COMP: variants seen among roughly 807,000 people sequenced by gnomAD.
COMP encodes the protein cartilage oligomeric matrix protein.
A neutral mutation model predicts 95.8 loss-of-function variants in COMP; 79 were observed. That is an observed-to-expected ratio of 0.82 (90% CI 0.69 to 0.99). The LOEUF (loss-of-function observed/expected upper bound fraction) is 0.99. COMP is among the 50% of genes least tolerant of loss of function. The pLI, the probability that COMP is intolerant of heterozygous loss-of-function variation, is 0.00. For missense variants in COMP, 906 were observed against 1,076.1 expected (o/e 0.84, Z 2.21); for synonymous variants, 438 against 433.9 (o/e 1.01, Z -0.12).
intron 14 of COMP, 23 bp downstream of exon 14, chr19:18,785,650 C>A (rs761134568): frequency 6.2e-7 from 1 of 1,613,538 alleles, no homozygotes. Context: ...TCCCATCACC[C>A]CCCACGTGGA....
intron 11 of COMP, 65 bp from the exon 12 acceptor site, chr19:18,786,356 C>T (rs1447061791): frequency 6.2e-7 from 1 of 1,610,372 alleles, no homozygotes; most frequent in Non-Finnish European, 8.5e-7. Context: ...TCCCACCCAA[C>T]CCAGCCGCAC....
intron 9 of COMP, among the ~76,000 whole-genome samples, 169 bp from the exon 10 acceptor site, chr19:18,787,819 A>C (rs994566569): frequency 6.6e-6 from 1 of 151,392 alleles, no homozygotes; most frequent in Non-Finnish European, 1.5e-5. Context: ...CCACTTCCCT[A>C]GGCCCCGCTC....
intron 1 of COMP, 42 bp from the exon 2 acceptor site, chr19:18,790,977 G>A (rs1455223705): frequency 6.5e-7 from 1 of 1,545,730 alleles, no homozygotes; most frequent in South Asian, 1.2e-5. Context: ...TGGGGCCGGG[G>A]AATCCCACCA....
Position 18,784,757 on chromosome 19 carries a change from C to T in COMP, c.1914+139G>A. On this transcript the variant is annotated intron_variant, in intron 16 of 18. Transcript: ENST00000222271. The surrounding 1 kb of genome is among the most constrained non-coding windows in gnomAD (Gnocchi z 4.9). Reference sequence around the variant, plus strand: ...GGAGGATTTGGGGACTGCGGGAGCCCAGAGGAGGGCTGGGACAGCTTTGAG... The same window carrying T: ...GGAGGATTTGGGGACTGCGGGAGCCTAGAGGAGGGCTGGGACAGCTTTGAG... 1.1e-6 allele frequency: 1 copy of T among 937,408 alleles called. No homozygotes were observed. The highest frequency in any genetic ancestry group is 1.7e-6 in the Non-Finnish European group (1 of 599,436). The allele number at this position is 937,408 out of a possible 1,614,324, so 58.1% of individuals were successfully genotyped here.
chr19:18,783,245 C>T, intron 17 of COMP, 52 bp from the exon 18 acceptor site: 1 of 1,593,346 alleles, frequency 6.3e-7, no homozygotes, highest in Non-Finnish European at 8.5e-7. Flanking sequence ...ACCCTTCCCT[C>T]TCAGAGCTTC....
intron 17 of COMP, 96 bp from the exon 18 acceptor site, chr19:18,783,289 T>G: frequency 6.6e-7 from 1 of 1,512,728 alleles, no homozygotes; most frequent in Non-Finnish European, 8.9e-7. Context: ...TACCCCTGAC[T>G]GGGCTGCACT....
Position 18,791,088 on chromosome 19 carries a change from C to G in COMP, c.79+103G>C, listed in dbSNP as rs945472570. 9.1e-5 allele frequency: 137 copies of G among 1,507,168 alleles called. 1 individual carries two copies. Among genetic ancestry groups the G allele is most frequent in the African/African-American group, 7.2e-4 (52 of 72,358 alleles). 93.4% of individuals were successfully genotyped at this position (1,507,168 alleles called of 1,614,324 possible). On this transcript the variant is annotated intron_variant, in intron 1 of 18. Transcript: ENST00000222271. ...CTTTCTGCGCCCGGCACGTCCCCTA[C>G]GAACAGTCCGTGAGCCCCAAACAGC...
In COMP at chr19:18,783,611, AT is replaced by A. The variant is rs34666033; in HGVS notation, c.2088-419del. On this transcript the variant is annotated intron_variant, in intron 17 of 18. Coordinates refer to ENST00000222271, the MANE Select transcript of COMP (RefSeq NM_000095.3). ...ATGGGCACGTGCCACCATGCCTGGCATTTTTTTTTTTTTTTGAGACAGAGTC... is the reference window on the plus strand; with the variant it reads ...ATGGGCACGTGCCACCATGCCTGGCATTTTTTTTTTTTTTGAGACAGAGTC... 7.4e-3 allele frequency among the ~76,000 whole-genome samples: 1,016 copies of A among 137,778 alleles called. 6 individuals carry two copies. The highest frequency in any genetic ancestry group is 0.018 in the African/African-American group (666 of 37,192). 90.4% of individuals were successfully genotyped at this position (137,778 alleles called of 152,430 possible). A position where few individuals can be genotyped will look rare whatever the true frequency, so the allele number is the denominator to read the frequency against.
chr19:18,784,457 G>A lies in COMP; in HGVS notation c.1915-94C>T, dbSNP rs12327739. ...GAGAGACAGTTGGGAGCAGCAGGTG[G>A]TGGGCGGCCAGGGGGATCCGGATGA... On this transcript the variant is annotated intron_variant, in intron 16 of 18. Coordinates refer to ENST00000222271, the MANE Select transcript of COMP (RefSeq NM_000095.3). This position sits in a 1 kb window ranked among gnomAD's most constrained non-coding sequence, Gnocchi z 4.9. 465 of 1,476,794 alleles carry A rather than the reference G, an allele frequency of 3.1e-4. 1 individual carries two copies. The African/African-American group carries it at 5.8e-3, about 18-fold the overall frequency. 91.5% of individuals were successfully genotyped at this position (1,476,794 alleles called of 1,614,324 possible).
In COMP at chr19:18,785,480, C is replaced by T; in HGVS notation, c.1717+18G>A. 6.2e-7 allele frequency: 1 copy of T among 1,613,002 alleles called. No individual in the cohort carries two copies. Among genetic ancestry groups the T allele is most frequent in the Admixed American group, 1.7e-5 (1 of 60,026 alleles). ...GAGCCCGCTCCGTGGCAGGATAGCG[C>T]TGCTCCCCGCTTCTCACCCACAGCC... On this transcript the variant is annotated intron_variant, in intron 15 of 18. Transcript: ENST00000222271.
intron 18 of COMP, 39 bp downstream of exon 18, chr19:18,783,015 G>A (rs766640350): frequency 6.2e-7 from 1 of 1,611,786 alleles, no homozygotes; most frequent in Non-Finnish European, 8.5e-7. Flanking sequence ...GGGCCTGTGT[G>A]CAGACTCCCC....
chr19:18,783,215 GC>G, intron 17 of COMP, 22 bp from the exon 18 acceptor site: 1 of 1,604,884 alleles, frequency 6.2e-7, no homozygotes, highest in Non-Finnish European at 8.5e-7. Flanking sequence ...ACATGGTGAG[GC>G]CTGGGGGACC....
At chr19:18,791,046 C>A in intron 1 of COMP, 111 bp from the exon 2 acceptor site, 2 of 1,511,180 alleles carry the variant, frequency 1.3e-6, no homozygotes, top group Non-Finnish European at 1.8e-6. Context: ...CTCCTCTAGT[C>A]TCGGTCCCGC....
rs1443536369 is a variant in COMP at position 18,786,270 on chromosome 19, C to T, written c.1276G>A (p.Val426Met). The change falls in exon 12 of 19, where the codon GTG becomes ATG. Residue 426 changes from valine to methionine, a missense_variant. By Grantham distance (21) the Val-to-Met change is conservative. Transcript: ENST00000222271. Reference protein sequence around the residue: ...PDQADVDHDFVGDACDSDQDQ... With the variant: ...PDQADVDHDFMGDACDSDQDQ... ...TGATCGCTGTCACAAGCATCTCCCACAAAGTCGTGGTCCACATCCGCCTGC... is the reference window on the plus strand; with the variant it reads ...TGATCGCTGTCACAAGCATCTCCCATAAAGTCGTGGTCCACATCCGCCTGC... 1.9e-6 allele frequency: 3 copies of T among 1,614,030 alleles called. No homozygotes were observed. The highest frequency in any genetic ancestry group is 2.5e-6 in the Non-Finnish European group (3 of 1,180,048).
rs1392512168 is a variant in COMP, at chr19:18,784,084, C to T, written c.2087+107G>A. ...TCTAACTGCCCTGTATCTTTCCTATCGTACAGATGAGGGGACCAGGGTCAC... is the reference window on the plus strand; with the variant it reads ...TCTAACTGCCCTGTATCTTTCCTATTGTACAGATGAGGGGACCAGGGTCAC... On this transcript the variant is annotated intron_variant, in intron 17 of 18. Coordinates refer to ENST00000222271, the MANE Select transcript of COMP (RefSeq NM_000095.3). This position sits in a 1 kb window ranked among gnomAD's most constrained non-coding sequence, Gnocchi z 4.9. 7.9e-6 allele frequency: 10 copies of T among 1,258,978 alleles called. No homozygotes were observed. Among genetic ancestry groups the T allele is most frequent in the South Asian group, 3.6e-5 (3 of 82,670 alleles). 78.0% of individuals were successfully genotyped at this position (1,258,978 alleles called of 1,614,324 possible).
In COMP at chr19:18,789,891, G is replaced by A; in HGVS notation, c.390+51C>T. ...GGGTCTCCCGGGCGGCGAGAGATTG[G>A]GGGGCGGTAGAGGGAGTCGTCAGGG... On this transcript the variant is annotated intron_variant, in intron 4 of 18. Transcript: ENST00000222271. The surrounding 1 kb of genome is among the most constrained non-coding windows in gnomAD (Gnocchi z 6.1). 6.3e-7 allele frequency: 1 copy of A among 1,584,894 alleles called. No individual in the cohort carries two copies.
intron 15 of COMP, 116 bp downstream of exon 15, chr19:18,785,382 G>A (rs2055157875): frequency 1.7e-6 from 2 of 1,169,116 alleles, no homozygotes; most frequent in Non-Finnish European, 2.4e-6. Flanking sequence ...CGCCCTTCCT[G>A]AGCCCGGGCC....
Position 18,785,042 on chromosome 19 carries a change from T to G in COMP, c.1768A>C (p.Thr590Pro), listed in dbSNP as rs1315726945. Reference sequence around the variant, plus strand: ...CCCGCATAGTCGTCATCCGTGACCGTGTTCACATGGAACGTGCCCTCGAAG... The same window carrying G: ...CCCGCATAGTCGTCATCCGTGACCGGGTTCACATGGAACGTGCCCTCGAAG... ...VDFEGTFHVN[T>P]VTDDDYAGFI... is the part of the protein sequence containing the mutation. Residue 590 changes from threonine (T) to proline (P), a missense_variant, in exon 16 of 19, where the codon ACG becomes CCG. Thr to Pro is a conservative substitution (Grantham distance 38). Transcript: ENST00000222271. 15 of 1,614,130 alleles carry G rather than the reference T, an allele frequency of 9.3e-6. No homozygotes were observed. The highest frequency in any genetic ancestry group is 2.2e-5 in the East Asian group (1 of 44,878).
Position 18,785,959 on chromosome 19 carries a change from CCGTACTGTCCG to C in COMP, c.1484_1489+5del, listed in dbSNP as rs1282023236. 6.2e-7 allele frequency: 1 copy of C among 1,600,174 alleles called. No individual in the cohort carries two copies. The highest frequency in any genetic ancestry group is 8.5e-7 in the Non-Finnish European group (1 of 1,175,342). On this transcript the variant is annotated splice_donor_variant and splice_donor_5th_base_variant and coding_sequence_variant and intron_variant, in exon 13 of 19. Coordinates refer to ENST00000222271, the MANE Select transcript of COMP (RefSeq NM_000095.3). LOFTEE classifies it high-confidence loss of function. ...GCCCCCACCGCAGGCCCCGCCCCCG[CCGTACTGTCCG>C]CGTCCTCCTGGCCGGGGTTAGGCAC... is the stretch of plus-strand genomic sequence containing the variant.
Sources: gnomAD v4.1 joint callset for allele counts (sites outside exome capture counted in the v4.1 genomes callset) on GRCh38, gnomAD v4.1.1 for gene constraint, Gnocchi (gnomAD v3.1) non-coding constraint, MANE v1.5 for transcripts, NCBI Gene and HGNC (gene_info 2026-07-23, HGNC 2026-07-21) for gene names.